STAT5B: variants seen among roughly 807,000 people sequenced by gnomAD.
STAT5B encodes transcription factor STAT5B.
A neutral mutation model predicts 107.8 loss-of-function variants in STAT5B; 21 were observed. The ratio of observed to expected loss-of-function variants is 0.19; its 90% CI spans 0.14 to 0.28. STAT5B has a LOEUF of 0.28. STAT5B is among the 10% of genes least tolerant of loss of function. The probability of loss-of-function intolerance (pLI) is 1.00; values close to 1 mark genes in which losing one functional copy is unlikely to be tolerated. For missense variants in STAT5B, 565 were observed against 1,008.2 expected, an observed-to-expected ratio of 0.56 and a Z score of 5.95; for synonymous variants, 325 against 401.7, an observed-to-expected ratio of 0.81 and a Z score of 2.28.
chr17:42,260,363 C>CA (rs970813885), intron 1 of STAT5B, among the ~76,000 whole-genome samples: 9 of 151,408 alleles, frequency 5.9e-5, no homozygotes, highest in Non-Finnish European at 1.0e-4. Context: ...AGCATTCGTA[C>CA]AAAAAAAGGA....
At chr17:42,224,908 C>T (rs753266535) in intron 3 of STAT5B, 40 bp from the exon 4 acceptor site, 1 of 1,607,708 alleles carries the variant, frequency 6.2e-7, no homozygotes, top group South Asian at 1.1e-5. Flanking sequence ...TGTGCCACTC[C>T]ACACTATGGG....
At chr17:42,213,196 G>T (rs187975969) in intron 12 of STAT5B, among the ~76,000 whole-genome samples, 1 of 152,086 alleles carries the variant, frequency 6.6e-6, no homozygotes, top group Non-Finnish European at 1.5e-5. Flanking sequence ...TATATATGGA[G>T]AATAAATTTC....
intron 1 of STAT5B, among the ~76,000 whole-genome samples, chr17:42,262,802 G>A (rs549765783): frequency 4.3e-5 from 4 of 92,300 alleles, no homozygotes; most frequent in Admixed American, 9.6e-5. Flanking sequence ...ATATATGTGT[G>A]TATATATACA....
At chr17:42,284,901 C>T in the STAT5B span, among the ~76,000 whole-genome samples, 4 of 152,262 alleles carry the variant, frequency 2.6e-5, no homozygotes, top group Admixed American at 2.0e-4. Flanking sequence ...GATTCTGGCC[C>T]TGACTGCCTT....
Position 42,223,509 on chromosome 17 carries a change from G to A in STAT5B, c.423C>T (p.His141=), listed in dbSNP as rs772912945. 4.3e-6 allele frequency: 7 copies of A among 1,614,166 alleles called. No individual in the cohort carries two copies. The South Asian group carries it at 7.7e-5, about 18-fold the overall frequency. ...CCTCAAACGTCTGGTTGATCTGGAGGTGTTTCTGGGACATGGCATCAGCAA... is the reference window on the plus strand; with the variant it reads ...CCTCAAACGTCTGGTTGATCTGGAGATGTTTCTGGGACATGGCATCAGCAA... ...GSLADAMSQK[H]LQINQTFEEL... The change falls in exon 5 of 19, where the codon CAC becomes CAT. Residue 141 remains histidine, a synonymous_variant. Coordinates refer to ENST00000293328, the MANE Select transcript of STAT5B (RefSeq NM_012448.4).
intron 12 of STAT5B, chr17:42,214,225 A>G (rs2080153126): frequency 2.0e-6 from 2 of 985,200 alleles, no homozygotes; most frequent in Admixed American, 6.2e-5. Context: ...TTATTTATTT[A>G]GACAAGATAC....
chr17:42,218,160 T>C lies in STAT5B; in HGVS notation c.1160A>G (p.Asn387Ser), dbSNP rs1363011053. The C allele has an allele frequency of 6.2e-7, 1 of 1,614,034 alleles. No individual in the cohort carries two copies. Among genetic ancestry groups the C allele is most frequent in the East Asian group, 2.2e-5 (1 of 44,884 alleles). Reference protein sequence around the residue: ...QQAKSLLKNENTRNDYSGEIL... With the variant: ...QQAKSLLKNESTRNDYSGEIL... ...GAAGCTGCACAATTACTTGCGGGTG[T>C]TCTCGTTCTTGAGCAGAGACTTGGC... Residue 387 changes from asparagine (N) to serine (S), a missense_variant, in exon 9 of 19, where the codon AAC becomes AGC. Physicochemically the swap from Asn to Ser is conservative, Grantham distance 46. Coordinates refer to ENST00000293328, the MANE Select transcript of STAT5B (RefSeq NM_012448.4).
rs201003920 is a variant in STAT5B at position 42,251,073 on chromosome 17, C to CA, written c.-10-18937dup. On this transcript the variant is annotated intron_variant, in intron 1 of 18. Transcript: ENST00000293328. ...AATACAAAAAGATTATTTGACAATC[C>CA]AAAAAAAAAGGCTTTAAATAAGACT... Among the ~76,000 whole-genome samples, 569 of 149,002 alleles carry CA rather than the reference C, an allele frequency of 3.8e-3. 4 individuals carry two copies. Among genetic ancestry groups the CA allele is most frequent in the African/African-American group, 0.013 (515 of 40,532 alleles).
chr17:42,240,910 G>A (rs559504391), intron 1 of STAT5B, among the ~76,000 whole-genome samples: 2 of 152,324 alleles, frequency 1.3e-5, no homozygotes, highest in South Asian at 2.1e-4. Context: ...GCAAAGGCTA[G>A]GGCTGGGTGA....
chr17:42,199,923 A>G lies in STAT5B; in HGVS notation c.*1815T>C, dbSNP rs1442483116. The G allele has an allele frequency of 1.3e-5, 2 of 152,330 alleles. No individual in the cohort carries two copies. Among genetic ancestry groups the G allele is most frequent in the African/African-American group, 4.8e-5 (2 of 41,440 alleles). 9.4% of individuals were successfully genotyped at this position (152,330 alleles called of 1,614,324 possible). ...TGGGAGACGGGCAGGGAGTGACTCTACGAGCCTGGATCCCTGAGCAGGCAG... is the reference window on the plus strand; with the variant it reads ...TGGGAGACGGGCAGGGAGTGACTCTGCGAGCCTGGATCCCTGAGCAGGCAG... On this transcript the variant is annotated 3_prime_UTR_variant, in exon 19 of 19. Coordinates refer to ENST00000293328, the MANE Select transcript of STAT5B (RefSeq NM_012448.4).
chr17:42,256,248 T>TC (rs1195266751), intron 1 of STAT5B, among the ~76,000 whole-genome samples: 1 of 151,844 alleles, frequency 6.6e-6, no homozygotes, highest in Non-Finnish European at 1.5e-5. Context: ...TTCTCCCCCA[T>TC]CCCCCCAACT....
chr17:42,231,894 T>G, intron 2 of STAT5B, 106 bp downstream of exon 2: 1 of 1,542,948 alleles, frequency 6.5e-7, no homozygotes, highest in Non-Finnish European at 8.9e-7. Context: ...CATTTAAAAA[T>G]GTTTAAAAAT....
At chr17:42,270,390 C>T (rs1185388945) in intron 1 of STAT5B, 1 of 152,156 alleles carries the variant, frequency 6.6e-6, no homozygotes, top group African/African-American at 2.4e-5. Context: ...CATGTCAACA[C>T]AAACCCACTA....
the STAT5B span, among the ~76,000 whole-genome samples, chr17:42,285,787 G>A: frequency 6.6e-6 from 1 of 152,080 alleles, no homozygotes; most frequent in Non-Finnish European, 1.5e-5. Flanking sequence ...GCCCATCCTG[G>A]GAAAGTTCCA....
intron 1 of STAT5B, among the ~76,000 whole-genome samples, chr17:42,255,827 G>A (rs894661499): frequency 1.3e-5 from 2 of 152,050 alleles, no homozygotes; most frequent in African/African-American, 2.4e-5. Flanking sequence ...ACAGCGGCTC[G>A]CGCCTGTAAT....
rs1157720602 is a variant in STAT5B at position 42,232,102 on chromosome 17, T to A, written c.26A>T (p.Gln9Leu). 6.2e-7 allele frequency: 1 copy of A among 1,614,134 alleles called. No individual in the cohort carries two copies. The highest frequency in any genetic ancestry group is 1.7e-5 in the Admixed American group (1 of 60,008). ...CTGATGAAGGGCTTCTCCTTGGAGC[T>A]GCTGAGCTTGTATCCACACAGCCAT... MAVWIQAQQLQGEALHQMQ... is the reference protein window; with the variant it reads MAVWIQAQLLQGEALHQMQ... The change falls in exon 2 of 19, where the codon CAG becomes CTG. Residue 9 changes from glutamine (Q) to leucine (L), a missense_variant. Transcript: ENST00000293328.
intron 1 of STAT5B, among the ~76,000 whole-genome samples, chr17:42,259,445 G>A (rs1404992262): frequency 6.6e-6 from 1 of 152,148 alleles, no homozygotes; most frequent in African/African-American, 2.4e-5. Context: ...GTGTCTTGGG[G>A]GTGAGGGAAT....
At chr17:42,213,666 C>T (rs528289871) in intron 12 of STAT5B, among the ~76,000 whole-genome samples, 1 of 151,548 alleles carries the variant, frequency 6.6e-6, no homozygotes, top group African/African-American at 2.4e-5. Context: ...TAGCTGGGAT[C>T]ATAGGCACGC....
chr17:42,214,385 G>T, intron 12 of STAT5B: 1 of 985,226 alleles, frequency 1.0e-6, no homozygotes, highest in Non-Finnish European at 1.2e-6. Flanking sequence ...AGGAGCTTCT[G>T]ATTCAGAGTT....
Sources: gnomAD v4.1 joint callset for allele counts (sites outside exome capture counted in the v4.1 genomes callset) on GRCh38, gnomAD v4.1.1 for gene constraint, MANE v1.5 for transcripts, NCBI Gene and HGNC (gene_info 2026-07-23, HGNC 2026-07-21) for gene names.